AVEN: variants seen among roughly 807,000 people sequenced by gnomAD.
The protein encoded by AVEN is cell death regulator Aven.
A neutral mutation model predicts 38.1 loss-of-function variants in AVEN; 41 were observed. The observed-to-expected ratio is 1.08, with a 90% CI of 0.84 to 1.40. The LOEUF (loss-of-function observed/expected upper bound fraction) is 1.40, where lower values mean the gene tolerates loss of function less well. Ranked by LOEUF, AVEN falls within the 40% of genes most tolerant of loss-of-function variation. AVEN has a pLI of 0.00. For synonymous variants in AVEN, 206 were observed against 171.8 expected (o/e 1.20, Z -1.56); for missense variants, 605 against 438.8 (o/e 1.38, Z -3.38).
intron 2 of AVEN, among the ~76,000 whole-genome samples, chr15:33,970,954 A>T (rs893596450): frequency 1.3e-5 from 2 of 151,962 alleles, no homozygotes; most frequent in Non-Finnish European, 2.9e-5. Flanking sequence ...TTCCTTTCCA[A>T]ATCAAGGCTT....
chr15:33,978,843 T>C (rs1343880195), intron 2 of AVEN, among the ~76,000 whole-genome samples: 2 of 152,038 alleles, frequency 1.3e-5, no homozygotes, highest in African/African-American at 4.8e-5. Flanking sequence ...AACCAGAGAA[T>C]AATGTTCACT....
chr15:33,856,526 G>T (rs1226356512), downstream of AVEN: 1 of 152,324 alleles, frequency 6.6e-6, no homozygotes, highest in Non-Finnish European at 1.5e-5. Flanking sequence ...AATAAAAAGT[G>T]TGACTCAGCT....
chr15:33,871,007 A>T lies in AVEN; in HGVS notation c.540T>A (p.Ser180Arg). ...CTTGAAGGGCTCGAACCAATAACTC[A>T]CTATCCACATAAAATGCTGAATTCT... The part of the protein sequence containing the change: ...PKQNSAFYVD[S>R]ELLVRALQEL... Residue 180 changes from serine to arginine, a missense_variant, in exon 4 of 6, where the codon AGT becomes AGA. Coordinates refer to ENST00000306730, the MANE Select transcript of AVEN (RefSeq NM_020371.3). 6.2e-7 allele frequency: 1 copy of T among 1,602,768 alleles called. No individual in the cohort carries two copies. Among genetic ancestry groups the T allele is most frequent in the Non-Finnish European group, 8.5e-7 (1 of 1,173,472 alleles).
chr15:33,992,237 ACAG>A (rs1215581731), intron 2 of AVEN, among the ~76,000 whole-genome samples: 1 of 152,046 alleles, frequency 6.6e-6, no homozygotes, highest in Non-Finnish European at 1.5e-5. Context: ...AAAATACAAA[ACAG>A]TTAGCTGGGC....
chr15:33,901,880 AAC>A, intron 2 of AVEN, among the ~76,000 whole-genome samples: 1 of 5,426 alleles, frequency 1.8e-4, no homozygotes, highest in Non-Finnish European at 0.012. Flanking sequence ...ACTGAGTTCT[AAC>A]AGTTCTTAAA....
intron 5 of AVEN, among the ~76,000 whole-genome samples, chr15:34,044,635 C>CA (rs1438559155): frequency 3.3e-5 from 5 of 152,224 alleles, no homozygotes; most frequent in African/African-American, 4.8e-5. Context: ...CTGCTCCCAA[C>CA]AGAAGGGGAC....
chr15:33,942,607 T>C (rs1007381137), intron 2 of AVEN, among the ~76,000 whole-genome samples: 3 of 152,060 alleles, frequency 2.0e-5, no homozygotes, highest in Non-Finnish European at 2.9e-5. Context: ...CCCGCCACCA[T>C]GCCCGGCTAA....
intron 2 of AVEN, among the ~76,000 whole-genome samples, chr15:33,893,970 G>A (rs746868055): frequency 8.5e-5 from 6 of 70,882 alleles, no homozygotes; most frequent in Non-Finnish European, 2.0e-4. Context: ...TTTTTTTTGA[G>A]ACAGAGTCTA....
At chr15:33,897,129 A>G (rs1476891533) in intron 2 of AVEN, among the ~76,000 whole-genome samples, 1 of 152,124 alleles carries the variant, frequency 6.6e-6, no homozygotes, top group Non-Finnish European at 1.5e-5. Flanking sequence ...CCACAAATCT[A>G]TAGTTGCCAG....
chr15:33,978,450 G>A (rs1030420675), intron 2 of AVEN, among the ~76,000 whole-genome samples: 2 of 152,142 alleles, frequency 1.3e-5, no homozygotes, highest in Non-Finnish European at 2.9e-5. Flanking sequence ...GATCACCTGA[G>A]GTCAGGAGTT....
intron 2 of AVEN, among the ~76,000 whole-genome samples, chr15:33,998,702 T>C (rs187872787): frequency 3.9e-4 from 60 of 152,312 alleles, no homozygotes; most frequent in Admixed American, 2.0e-3. Flanking sequence ...CAATTCTTCA[T>C]TGTCATCAAC....
intron 2 of AVEN, among the ~76,000 whole-genome samples, chr15:33,929,064 C>T (rs485191): frequency 0.95 from 144,744 of 152,218 alleles, 68,970 homozygotes; most frequent in Non-Finnish European, 0.98. Context: ...AGTTCCATAA[C>T]AGTTGTATCT....
At chr15:33,899,460 CTTTTTTTTTTTTT>C (rs533788693) in intron 2 of AVEN, among the ~76,000 whole-genome samples, 1 of 65,430 alleles carries the variant, frequency 1.5e-5, no homozygotes, top group Admixed American at 2.3e-4. Flanking sequence ...CAGGGAAAAC[CTTTTTTTTTTTTT>C]TTTTTTTTTT....
At chr15:33,869,350 C>T (rs1890838250) in intron 4 of AVEN, among the ~76,000 whole-genome samples, 1 of 152,104 alleles carries the variant, frequency 6.6e-6, no homozygotes, top group South Asian at 2.1e-4. Flanking sequence ...TATTTTATAC[C>T]TTTAATGCCT....
chr15:34,038,585 C>A (rs111748206), intron 1 of AVEN, among the ~76,000 whole-genome samples, 195 bp downstream of exon 1: 14,081 of 149,994 alleles, frequency 0.094, 896 homozygotes, highest in East Asian at 0.32. Context: ...GCCACGAGGG[C>A]CAAGCGCATA....
intron 2 of AVEN, among the ~76,000 whole-genome samples, chr15:33,965,386 T>C (rs1895346298): frequency 6.6e-6 from 1 of 152,140 alleles, no homozygotes; most frequent in African/African-American, 2.4e-5. Context: ...AAGGAAGCCG[T>C]TGCCATGGAA....
intron 5 of AVEN, chr15:34,062,753 C>G: frequency 6.2e-7 from 1 of 1,613,518 alleles, no homozygotes; most frequent in Non-Finnish European, 8.5e-7. Flanking sequence ...CAACCACCGT[C>G]AATGGCACCC....
At chr15:33,864,111 T>G, downstream of AVEN, 3 of 1,580,146 alleles carry the variant, frequency 1.9e-6, no homozygotes, top group South Asian at 3.4e-5. Context: ...GACCAGAGTA[T>G]CTAATACTAT....
intron 1 of AVEN, among the ~76,000 whole-genome samples, chr15:34,011,175 G>A (rs1428910847): frequency 1.3e-5 from 2 of 151,930 alleles, no homozygotes; most frequent in Non-Finnish European, 2.9e-5. Context: ...CTGGGTGACA[G>A]AGCAAGACTC....
Sources: gnomAD v4.1 joint callset for allele counts (sites outside exome capture counted in the v4.1 genomes callset) on GRCh38, gnomAD v4.1.1 for gene constraint, MANE v1.5 for transcripts, NCBI Gene and HGNC (gene_info 2026-07-23, HGNC 2026-07-21) for gene names.